The following KBTBD11 variants were observed in gnomAD, a reference collection of about 807,000 sequenced individuals.
The protein encoded by KBTBD11 is kelch repeat and BTB domain containing 11, also known as kelch repeat and BTB domain-containing protein 11.
For synonymous variants in KBTBD11, 747 were observed against 499.0 expected, an observed-to-expected ratio of 1.50 and a Z score of -6.63; for missense variants, 1,390 against 1,001.8, an observed-to-expected ratio of 1.39 and a Z score of -5.23.
chr8:1,994,864 G>A (rs1230108986), intron 1 of KBTBD11, among the ~76,000 whole-genome samples: 5 of 152,148 alleles, frequency 3.3e-5, no homozygotes, highest in African/African-American at 1.2e-4. Flanking sequence ...TTCGAGACCA[G>A]CCTGACCAAC....
At position 2,002,700 on chromosome 8, in the gene KBTBD11, A is replaced by G. The variant is rs1817434135; in HGVS notation, c.1508A>G (p.Tyr503Cys). The G allele has an allele frequency of 7.1e-6, 11 of 1,549,454 alleles. No homozygotes were observed. Among genetic ancestry groups the G allele is most frequent in the Non-Finnish European group, 9.5e-6 (11 of 1,156,692 alleles). The change falls in exon 2 of 2, where the codon TAC becomes TGC. Residue 503 changes from tyrosine to cysteine, a missense_variant. Physicochemically the swap from Tyr to Cys is radical, Grantham distance 194 (BLOSUM62 -2). Coordinates refer to ENST00000320248, the MANE Select transcript of KBTBD11 (RefSeq NM_014867.3). The surrounding 1 kb of genome is among the most constrained non-coding windows in gnomAD (Gnocchi z 4.1). ...ADMVALDGFI[Y>C]RFDLSGSRGE... ...ATGGTGGCTCTCGACGGCTTCATCT[A>G]CCGCTTCGATCTGAGCGGCAGCCGC...
chr8:1,974,406 G>T, intron 1 of KBTBD11: 4 of 984,806 alleles, frequency 4.1e-6, no homozygotes, highest in Non-Finnish European at 4.8e-6. Flanking sequence ...AGCGCGCGGG[G>T]CCAGGGCGGG....
intron 1 of KBTBD11, among the ~76,000 whole-genome samples, chr8:1,979,516 G>A (rs1487285299): frequency 6.6e-6 from 1 of 152,184 alleles, no homozygotes; most frequent in East Asian, 1.9e-4. Flanking sequence ...TGTGATCCCA[G>A]CTACTTGGGA....
chr8:2,001,668 C>G lies in KBTBD11; in HGVS notation c.476C>G (p.Ala159Gly). ...RRLRAHKAVL[A>G]ARSDYFRARA... Reference sequence around the variant, plus strand: ...CTGCGCGCGCACAAGGCGGTGCTGGCGGCGCGCAGCGACTACTTCCGCGCG... The same window carrying G: ...CTGCGCGCGCACAAGGCGGTGCTGGGGGCGCGCAGCGACTACTTCCGCGCG... Residue 159 changes from alanine (A) to glycine (G), a missense_variant, in exon 2 of 2, where the codon GCG (alanine) becomes GGG (glycine). Coordinates refer to ENST00000320248, the MANE Select transcript of KBTBD11 (RefSeq NM_014867.3). 6.8e-7 allele frequency: 1 copy of G among 1,462,672 alleles called. No homozygotes were observed. The highest frequency in any genetic ancestry group is 1.5e-5 in the African/African-American group (1 of 67,792). 90.6% of individuals were successfully genotyped at this position (1,462,672 alleles called of 1,614,324 possible).
In KBTBD11 at chr8:2,005,371, A is replaced by G. The variant is rs1276045631; in HGVS notation, c.*2307A>G. 2 of 167,124 alleles carry G rather than the reference A, an allele frequency of 1.2e-5. No homozygotes were observed. Among genetic ancestry groups the G allele is most frequent in the African/African-American group, 4.8e-5 (2 of 41,476 alleles). The allele number at this position is 167,124 out of a possible 1,614,324, so 10.4% of individuals were successfully genotyped here. On this transcript the variant is annotated 3_prime_UTR_variant, in exon 2 of 2. Coordinates refer to ENST00000320248, the MANE Select transcript of KBTBD11 (RefSeq NM_014867.3). The stretch of plus-strand genomic sequence containing the variant: ...CACCACAGTTCTGAATAGTGATATC[A>G]CATAAAAATACATACTAGAGGACCT...
chr8:2,004,564 T>C lies in KBTBD11; in HGVS notation c.*1500T>C, dbSNP rs887340453. On this transcript the variant is annotated 3_prime_UTR_variant, in exon 2 of 2. Transcript: ENST00000320248. Reference sequence around the variant, plus strand: ...AATAGGTTATGCTTTTTAAAGAGTCTGTGGTTATGAGAGGTCTCAGTTAAG... The same window carrying C: ...AATAGGTTATGCTTTTTAAAGAGTCCGTGGTTATGAGAGGTCTCAGTTAAG... 17 of 167,124 alleles carry C rather than the reference T, an allele frequency of 1.0e-4. No individual in the cohort carries two copies. Among genetic ancestry groups the C allele is most frequent in the African/African-American group, 4.1e-4 (17 of 41,466 alleles). The allele number at this position is 167,124 out of a possible 1,614,324, so 10.4% of individuals were successfully genotyped here.
At chr8:1,989,603 A>T (rs73538616) in intron 1 of KBTBD11, among the ~76,000 whole-genome samples, 6,820 of 152,252 alleles carry the variant, frequency 0.045, 505 homozygotes, top group African/African-American at 0.15. Flanking sequence ...CATTAATCAG[A>T]TACAGGAAGC....
At chr8:1,979,591 T>C (rs1380537071) in intron 1 of KBTBD11, among the ~76,000 whole-genome samples, 2 of 152,234 alleles carry the variant, frequency 1.3e-5, no homozygotes, top group African/African-American at 2.4e-5. Context: ...ATTGCGCCAC[T>C]GCACTCCAGC....
chr8:1,986,808 G>T (rs1816718404), intron 1 of KBTBD11, among the ~76,000 whole-genome samples: 1 of 152,020 alleles, frequency 6.6e-6, no homozygotes, highest in Admixed American at 6.6e-5. Context: ...AACGCTCATG[G>T]ATCCCACTAA....
chr8:2,001,041 A>C lies in KBTBD11; in HGVS notation c.-152A>C. ...GTGTGAGATTCCCCCCTTCACACAC[A>C]CAACAACAAAGCGTGGACACACAGA... On this transcript the variant is annotated 5_prime_UTR_variant, in exon 2 of 2. Transcript: ENST00000320248. 3.4e-6 allele frequency: 1 copy of C among 297,050 alleles called. No individual in the cohort carries two copies. Among genetic ancestry groups the C allele is most frequent in the Non-Finnish European group, 4.6e-6 (1 of 216,740 alleles). 18.4% of individuals were successfully genotyped at this position (297,050 alleles called of 1,614,324 possible).
chr8:1,975,195 C>G (rs2129306891), intron 1 of KBTBD11: 1 of 152,320 alleles, frequency 6.6e-6, no homozygotes, highest in Middle Eastern at 3.4e-3. Flanking sequence ...TGCAATGCTC[C>G]CATCAGGGCA....
intron 1 of KBTBD11, among the ~76,000 whole-genome samples, chr8:1,983,051 A>G (rs550932003): frequency 6.6e-6 from 1 of 152,220 alleles, no homozygotes; most frequent in African/African-American, 2.4e-5. Context: ...GGCTTGGTTT[A>G]GATAATGTTG....
chr8:1,987,174 C>G (rs1303988197), intron 1 of KBTBD11, among the ~76,000 whole-genome samples: 1 of 152,196 alleles, frequency 6.6e-6, no homozygotes, highest in African/African-American at 2.4e-5. Context: ...TGTCCTTCCT[C>G]TCTCTGTTTT....
rs1373584628 is a variant in KBTBD11 at position 1,974,065 on chromosome 8, A to G, written c.-909+130A>G. 9.5e-6 allele frequency: 6 copies of G among 634,272 alleles called. No homozygotes were observed. In the South Asian group the frequency reaches 2.0e-4, roughly 21 times the overall value. 39.3% of individuals were successfully genotyped at this position (634,272 alleles called of 1,614,324 possible). ...AGCGGCAGTAGGCGGGAGGGGAGAA[A>G]AGGGGAGGCCGGCAGGGGAGAGGCG... On this transcript the variant is annotated intron_variant, in intron 1 of 1. Transcript: ENST00000320248.
chr8:1,993,189 C>T (rs537263220), intron 1 of KBTBD11, among the ~76,000 whole-genome samples: 1 of 152,224 alleles, frequency 6.6e-6, no homozygotes, highest in South Asian at 2.1e-4. Context: ...TCAGGTTATC[C>T]ACCCACCTCA....
intron 1 of KBTBD11, among the ~76,000 whole-genome samples, chr8:1,980,190 T>C (rs1221617701): frequency 2.0e-5 from 3 of 151,490 alleles, no homozygotes; most frequent in Non-Finnish European, 2.9e-5. Context: ...GCCCAGTCTG[T>C]GTGCCAGCCT....
At chr8:1,980,963 A>T (rs762157150) in intron 1 of KBTBD11, among the ~76,000 whole-genome samples, 1 of 152,222 alleles carries the variant, frequency 6.6e-6, no homozygotes, top group African/African-American at 2.4e-5. Context: ...ACTTCTTCTC[A>T]GCTTGTTTCA....
rs994963951 is a variant in KBTBD11, at chr8:2,006,725, C to G, written c.*3661C>G. The stretch of plus-strand genomic sequence containing the variant: ...TGTGAGATCAAAGCTCCTCCAAAGC[C>G]TGTTCAAGCTCTAAGCGATTCTCAA... On this transcript the variant is annotated 3_prime_UTR_variant, in exon 2 of 2. Coordinates refer to ENST00000320248, the MANE Select transcript of KBTBD11 (RefSeq NM_014867.3). 3.0e-5 allele frequency: 5 copies of G among 167,114 alleles called. 1 individual carries two copies. The highest frequency in any genetic ancestry group is 6.5e-5 in the Admixed American group (1 of 15,292). 10.4% of individuals were successfully genotyped at this position (167,114 alleles called of 1,614,324 possible).
At position 2,005,491 on chromosome 8, in the gene KBTBD11, C is replaced by G. The variant is rs1817546218; in HGVS notation, c.*2427C>G. ...ACCCATGAAACAGAGAAAAGCCACACCCTCCAAGGTGTGGCTTTCATTTTG... is the reference window on the plus strand; with the variant it reads ...ACCCATGAAACAGAGAAAAGCCACAGCCTCCAAGGTGTGGCTTTCATTTTG... On this transcript the variant is annotated 3_prime_UTR_variant, in exon 2 of 2. Coordinates refer to ENST00000320248, the MANE Select transcript of KBTBD11 (RefSeq NM_014867.3). 6.0e-6 allele frequency: 1 copy of G among 167,060 alleles called. No individual in the cohort carries two copies. Among genetic ancestry groups the G allele is most frequent in the Non-Finnish European group, 1.5e-5 (1 of 68,128 alleles). 10.3% of individuals were successfully genotyped at this position (167,060 alleles called of 1,614,324 possible).
Sources: gnomAD v4.1 joint callset for allele counts (sites outside exome capture counted in the v4.1 genomes callset) on GRCh38, gnomAD v4.1.1 for gene constraint, Gnocchi (gnomAD v3.1) non-coding constraint, MANE v1.5 for transcripts, NCBI Gene and HGNC (gene_info 2026-07-23, HGNC 2026-07-21) for gene names.